OSBPL3: variants seen among roughly 807,000 people sequenced by gnomAD.
OSBPL3 encodes oxysterol binding protein like 3.
Under a neutral mutation model 120.1 loss-of-function variants are expected in OSBPL3, and 65 were observed. The ratio of observed to expected loss-of-function variants is 0.54; its 90% CI spans 0.44 to 0.67. The LOEUF (loss-of-function observed/expected upper bound fraction) is 0.67, where lower values mean the gene tolerates loss of function less well. Ranked by LOEUF, OSBPL3 falls within the 30% of genes least tolerant of loss-of-function variation. OSBPL3 has a pLI of 0.00. For synonymous variants in OSBPL3, 416 were observed against 402.6 expected (o/e 1.03, Z -0.40); for missense variants, 1,004 against 1,082.1 (o/e 0.93, Z 1.01).
intron 1 of OSBPL3, among the ~76,000 whole-genome samples, chr7:24,962,235 G>A (rs1214717400): frequency 2.0e-5 from 3 of 151,778 alleles, no homozygotes; most frequent in South Asian, 2.1e-4. Context: ...CCTGGGAGGC[G>A]GAGGTTGCAG....
rs34710823 is a variant in OSBPL3, at chr7:24,849,946, G to GA, written c.1159-771dup. Among the ~76,000 whole-genome samples the GA allele has an allele frequency of 0.22, 30,120 of 134,318 alleles. 3,225 individuals carry two copies. Among genetic ancestry groups the GA allele is most frequent in the Non-Finnish European group, 0.24 (15,066 of 62,596 alleles). 88.1% of individuals were successfully genotyped at this position (134,318 alleles called of 152,430 possible). On this transcript the variant is annotated intron_variant, in intron 11 of 22. Coordinates refer to ENST00000313367, the MANE Select transcript of OSBPL3 (RefSeq NM_015550.4). This position sits in a 1 kb window ranked among gnomAD's most constrained non-coding sequence, Gnocchi z 5.4. ...GGGTGAGAGTGAGACCCTGTCTCAC[G>GA]AAAAAAAAAAAAAGAAATAAAGAAA...
chr7:24,897,449 C>T (rs926606751), intron 1 of OSBPL3, among the ~76,000 whole-genome samples: 7 of 151,240 alleles, frequency 4.6e-5, no homozygotes, highest in African/African-American at 1.5e-4. Context: ...CCTCAGCCTC[C>T]CGAGTAGCTG....
At chr7:24,829,675 C>T (rs1337349639) in intron 16 of OSBPL3, among the ~76,000 whole-genome samples, 2 of 152,032 alleles carry the variant, frequency 1.3e-5, no homozygotes, top group Non-Finnish European at 1.5e-5. Context: ...AGAGAGTGGA[C>T]GTGTTTGATT....
chr7:24,868,032 A>G (rs1259441620), intron 5 of OSBPL3, among the ~76,000 whole-genome samples: 1 of 152,188 alleles, frequency 6.6e-6, no homozygotes, highest in Non-Finnish European at 1.5e-5. Context: ...TTAAAAGTCA[A>G]TTTTGGCTGG....
intron 10 of OSBPL3, among the ~76,000 whole-genome samples, chr7:24,858,451 G>GTCTTTATTC (rs2128241221): frequency 6.6e-6 from 1 of 152,346 alleles, no homozygotes; most frequent in African/African-American, 2.4e-5. Context: ...CCTGAGAGCT[G>GTCTTTATTC]TCTTTATTCT....
chr7:24,857,220 T>C (rs1456335651), intron 10 of OSBPL3, among the ~76,000 whole-genome samples: 1 of 152,214 alleles, frequency 6.6e-6, no homozygotes. Flanking sequence ...CTTTGTTCTA[T>C]GTAGCTTTCA....
At position 24,937,137 on chromosome 7, in the gene OSBPL3, C is replaced by T. The variant is rs1433079344; in HGVS notation, c.-150+42749G>A. ...AGCAAACATGTCCTTCTTCACATGGCGGCAGGAGAAATGCCGAGCAAAAGG... is the reference window on the plus strand; with the variant it reads ...AGCAAACATGTCCTTCTTCACATGGTGGCAGGAGAAATGCCGAGCAAAAGG... On this transcript the variant is annotated intron_variant, in intron 1 of 22. Coordinates refer to ENST00000313367, the MANE Select transcript of OSBPL3 (RefSeq NM_015550.4). The surrounding 1 kb of genome is among the most constrained non-coding windows in gnomAD (Gnocchi z 4.0). Among the ~76,000 whole-genome samples, 3 of 152,106 alleles carry T rather than the reference C, an allele frequency of 2.0e-5. No individual in the cohort carries two copies. Among genetic ancestry groups the T allele is most frequent in the Non-Finnish European group, 2.9e-5 (2 of 68,014 alleles).
At chr7:24,951,568 C>T (rs1814443403) in intron 1 of OSBPL3, among the ~76,000 whole-genome samples, 1 of 152,166 alleles carries the variant, frequency 6.6e-6, no homozygotes, top group Non-Finnish European at 1.5e-5. Flanking sequence ...ATGACTTAAA[C>T]TTAATTATTG....
At chr7:24,917,253 A>G (rs1809698602) in intron 1 of OSBPL3, among the ~76,000 whole-genome samples, 1 of 151,770 alleles carries the variant, frequency 6.6e-6, no homozygotes, top group South Asian at 2.1e-4. Context: ...CATCAGAGCA[A>G]AATCTGCAGA....
chr7:24,943,357 C>T (rs1016594705), intron 1 of OSBPL3, among the ~76,000 whole-genome samples: 6 of 152,298 alleles, frequency 3.9e-5, no homozygotes, highest in African/African-American at 1.2e-4. Context: ...GCAGCCTGTA[C>T]ATATGTGCTT....
chr7:24,892,333 T>C (rs779872992), intron 2 of OSBPL3, 44 bp downstream of exon 2: 1 of 1,594,534 alleles, frequency 6.3e-7, no homozygotes, highest in Non-Finnish European at 8.6e-7. Context: ...GCAAACTTGA[T>C]GGCTTACATT....
At position 24,819,416 on chromosome 7, in the gene OSBPL3, A is replaced by C. The variant is rs1032398431; in HGVS notation, c.1948+759T>G. Among the ~76,000 whole-genome samples the C allele has an allele frequency of 6.6e-6, 1 of 152,180 alleles. No individual in the cohort carries two copies. Among genetic ancestry groups the C allele is most frequent in the South Asian group, 2.1e-4 (1 of 4,822 alleles). ...TAAACTTTAATAGCAAAGGTGAAGAAAGAAAACCATGGTACTTGTCACTTT... is the reference window on the plus strand; with the variant it reads ...TAAACTTTAATAGCAAAGGTGAAGACAGAAAACCATGGTACTTGTCACTTT... On this transcript the variant is annotated intron_variant, in intron 17 of 22. Coordinates refer to ENST00000313367, the MANE Select transcript of OSBPL3 (RefSeq NM_015550.4). This position sits in a 1 kb window ranked among gnomAD's most constrained non-coding sequence, Gnocchi z 4.1.
At chr7:24,931,438 G>C (rs552581816) in intron 1 of OSBPL3, among the ~76,000 whole-genome samples, 20 of 152,162 alleles carry the variant, frequency 1.3e-4, no homozygotes, top group African/African-American at 3.9e-4. Context: ...TAACCACAAG[G>C]GTCCTTATAA....
intron 16 of OSBPL3, among the ~76,000 whole-genome samples, chr7:24,828,602 G>A (rs542799706): frequency 2.7e-5 from 2 of 74,682 alleles, no homozygotes; most frequent in African/African-American, 9.3e-5. Context: ...GTGAGACTCT[G>A]TCTGAAAAAA....
chr7:24,848,765 T>C (rs1258496391), intron 12 of OSBPL3, among the ~76,000 whole-genome samples: 3 of 140,952 alleles, frequency 2.1e-5, no homozygotes, highest in Non-Finnish European at 4.6e-5. Context: ...TATCTCTCTA[T>C]AGTTCCCACT....
chr7:24,853,697 G>C (rs1799460874), intron 10 of OSBPL3, among the ~76,000 whole-genome samples: 1 of 152,132 alleles, frequency 6.6e-6, no homozygotes, highest in Admixed American at 6.5e-5. Flanking sequence ...AAAGTATAAA[G>C]CCATAAAGAA....
In OSBPL3 at chr7:24,899,268, C is replaced by G. The variant is rs131; in HGVS notation, c.-149-6647G>C. 0.41 allele frequency among the ~76,000 whole-genome samples: 62,617 copies of G among 151,940 alleles called. 13,316 individuals carry two copies. Among genetic ancestry groups the G allele is most frequent in the East Asian group, 0.71 (3,665 of 5,146 alleles). On this transcript the variant is annotated intron_variant, in intron 1 of 22. Coordinates refer to ENST00000313367, the MANE Select transcript of OSBPL3 (RefSeq NM_015550.4). The surrounding 1 kb of genome is among the most constrained non-coding windows in gnomAD (Gnocchi z 4.0). ...GAGCAGAAGAGAAGGCAATGACAAT[C>G]TTCCTGGCCTCAACCACACTGCAAC...
Position 24,968,109 on chromosome 7 carries a change from G to A in OSBPL3, c.-150+11777C>T, listed in dbSNP as rs1816594388. Among the ~76,000 whole-genome samples, 3 of 152,094 alleles carry A rather than the reference G, an allele frequency of 2.0e-5. No homozygotes were observed. The highest frequency in any genetic ancestry group is 4.4e-5 in the Non-Finnish European group (3 of 68,028). On this transcript the variant is annotated intron_variant, in intron 1 of 22. Transcript: ENST00000313367. The surrounding 1 kb of genome is among the most constrained non-coding windows in gnomAD (Gnocchi z 4.6). ...CAACTTCACACCTATCCTGCCTTCC[G>A]TTACCCCTTCCTAGGACAGTCTGAT...
intron 19 of OSBPL3, among the ~76,000 whole-genome samples, chr7:24,812,281 T>G (rs1584206358): frequency 4.0e-5 from 5 of 124,616 alleles, no homozygotes; most frequent in Admixed American, 2.0e-4. Context: ...CACTTCAGAG[T>G]GGGTGAGATT....
Sources: allele counts gnomAD v4.1 joint callset (sites outside exome capture counted in the v4.1 genomes callset), GRCh38; gene constraint gnomAD v4.1.1; non-coding constraint Gnocchi (gnomAD v3.1); transcripts MANE v1.5; gene names NCBI Gene and HGNC (gene_info 2026-07-23, HGNC 2026-07-21).